FER1L6: variants seen among roughly 807,000 people sequenced by gnomAD.
FER1L6 encodes the protein fer-1-like protein 6.
FER1L6 carries 177 observed loss-of-function variants against 219.2 expected under a neutral mutation model. The observed-to-expected ratio is 0.81, with a 90% CI of 0.71 to 0.91. FER1L6 has a LOEUF of 0.91. FER1L6 is among the 40% of genes least tolerant of loss of function. The pLI is 0.00. For missense variants in FER1L6, 2,153 were observed against 2,259.9 expected, an observed-to-expected ratio of 0.95 and a Z score of 0.96; for synonymous variants, 768 against 824.3, an observed-to-expected ratio of 0.93 and a Z score of 1.17.
At chr8:124,065,167 G>A (rs1052760437) in intron 26 of FER1L6, among the ~76,000 whole-genome samples, 1 of 152,016 alleles carries the variant, frequency 6.6e-6, no homozygotes, top group Admixed American at 6.6e-5. Context: ...GCCGAGGTGA[G>A]TAGATCACTC....
chr8:123,956,332 C>A (rs879332315), intron 2 of FER1L6, among the ~76,000 whole-genome samples: 5 of 152,244 alleles, frequency 3.3e-5, no homozygotes, highest in Admixed American at 2.0e-4. Flanking sequence ...AACTCTGTTT[C>A]TGTTCTTATT....
At chr8:124,101,829 C>T (rs1189133384) in intron 38 of FER1L6, among the ~76,000 whole-genome samples, 1 of 152,104 alleles carries the variant, frequency 6.6e-6, no homozygotes, top group Non-Finnish European at 1.5e-5. Flanking sequence ...GACATGTGTC[C>T]AAAGTGGTCA....
At chr8:124,061,790 G>A in intron 24 of FER1L6, 62 bp from the exon 25 acceptor site, 1 of 1,536,844 alleles carries the variant, frequency 6.5e-7, no homozygotes, top group Admixed American at 1.7e-5. Flanking sequence ...TGCCCAGCTG[G>A]CTTTGGGTCT....
chr8:123,920,294 G>A (rs181272181), intron 1 of FER1L6, among the ~76,000 whole-genome samples: 110 of 152,354 alleles, frequency 7.2e-4, no homozygotes, highest in African/African-American at 2.3e-3. Flanking sequence ...CGAAGTTCCT[G>A]AGAGGCTGGT....
chr8:123,889,919 T>C (rs1473565000), intron 1 of FER1L6, among the ~76,000 whole-genome samples: 1 of 152,162 alleles, frequency 6.6e-6, no homozygotes, highest in Non-Finnish European at 1.5e-5. Flanking sequence ...TTTCTCTGTA[T>C]GTCTATCCTT....
chr8:123,955,592 GC>G (rs1814976988), intron 1 of FER1L6, among the ~76,000 whole-genome samples: 1 of 152,228 alleles, frequency 6.6e-6, no homozygotes, highest in Non-Finnish European at 1.5e-5. Flanking sequence ...ACATTGCCCG[GC>G]CTCTCTGGGC....
At position 123,963,333 on chromosome 8, in the gene FER1L6, G is replaced by A. The variant is rs768119008; in HGVS notation, c.132G>A (p.Pro44=). Residue 44 remains proline, a synonymous_variant, in exon 3 of 41, where the codon CCG becomes CCA. Transcript: ENST00000522917. The part of the protein sequence containing the change: ...LQEEPSHQEG[P]RGDLVHDDAS... ...AGGAGCCTTCTCACCAGGAAGGACC[G>A]AGAGGAGATTTGGTCCATGATGATG... 18 of 1,614,016 alleles carry A rather than the reference G, an allele frequency of 1.1e-5. No homozygotes were observed. The highest frequency in any genetic ancestry group is 2.2e-5 in the East Asian group (1 of 44,896).
In FER1L6 at chr8:124,061,838, T is replaced by C. The variant is rs1820594936; in HGVS notation, c.3148-14T>C. 1 of 1,612,252 alleles carries C rather than the reference T, an allele frequency of 6.2e-7. No homozygotes were observed. The highest frequency in any genetic ancestry group is 8.5e-7 in the Non-Finnish European group (1 of 1,179,788). On this transcript the variant is annotated splice_polypyrimidine_tract_variant and intron_variant, in intron 24 of 40. Transcript: ENST00000522917. Reference sequence around the variant, plus strand: ...GTCACCAGGCCCCTTCTTCATCTCATCCTCTCTCTGCAGGAACTGCCTGAG... The same window carrying C: ...GTCACCAGGCCCCTTCTTCATCTCACCCTCTCTCTGCAGGAACTGCCTGAG...
chr8:123,895,298 A>G (rs918841749), intron 1 of FER1L6, among the ~76,000 whole-genome samples: 1 of 152,232 alleles, frequency 6.6e-6, no homozygotes. Flanking sequence ...GAGAGATGTG[A>G]CAACAAAATG....
intron 1 of FER1L6, among the ~76,000 whole-genome samples, chr8:123,876,935 A>G (rs991480492): frequency 3.9e-5 from 6 of 152,186 alleles, no homozygotes; most frequent in Non-Finnish European, 8.8e-5. Context: ...AGGGAAGCTT[A>G]CCTAACCCCA....
chr8:123,959,733 A>G (rs1192354633), intron 2 of FER1L6, among the ~76,000 whole-genome samples: 7 of 152,132 alleles, frequency 4.6e-5, no homozygotes, highest in African/African-American at 1.7e-4. Flanking sequence ...AGTCCCCTGG[A>G]TCCCTGGGAT....
At chr8:124,118,621 C>T (rs1823347064) in intron 39 of FER1L6, among the ~76,000 whole-genome samples, 1 of 152,210 alleles carries the variant, frequency 6.6e-6, no homozygotes. Context: ...GGGACCCTTT[C>T]CTTCCACAAA....
Position 124,097,364 on chromosome 8 carries a change from G to T in FER1L6, c.4784+5G>T. 1 of 1,599,544 alleles carries T rather than the reference G, an allele frequency of 6.3e-7. No individual in the cohort carries two copies. Among genetic ancestry groups the T allele is most frequent in the South Asian group, 1.1e-5 (1 of 90,392 alleles). On this transcript the variant is annotated splice_donor_5th_base_variant and intron_variant, in intron 36 of 40. Transcript: ENST00000522917. ...CTCTCCAAGGCGACCCAAAGGGTAT[G>T]TCAGCTGTAGCCCCAGCTTCAGGGG...
intron 33 of FER1L6, among the ~76,000 whole-genome samples, chr8:124,090,182 T>C (rs568830358): frequency 6.6e-6 from 1 of 152,326 alleles, no homozygotes; most frequent in Non-Finnish European, 1.5e-5. Context: ...TCTGAGCGCC[T>C]ATATCCTTCA....
chr8:124,084,170 G>GTT (rs533125494), intron 33 of FER1L6, among the ~76,000 whole-genome samples: 17 of 143,310 alleles, frequency 1.2e-4, no homozygotes, highest in East Asian at 4.0e-4. Flanking sequence ...GGAATCTTTA[G>GTT]TTTTTTTTTT....
intron 12 of FER1L6, among the ~76,000 whole-genome samples, chr8:123,997,872 C>T (rs1367380014): frequency 6.6e-6 from 1 of 152,104 alleles, no homozygotes; most frequent in Non-Finnish European, 1.5e-5. Flanking sequence ...ATTATTCAAT[C>T]TCTTTGTTAA....
chr8:124,074,652 A>G (rs113723118), intron 31 of FER1L6, among the ~76,000 whole-genome samples: 2 of 136,092 alleles, frequency 1.5e-5, no homozygotes, highest in East Asian at 4.1e-4. Flanking sequence ...ATACTGTCTA[A>G]AAAAAAAAAA....
At chr8:124,021,123 C>T (rs1053741802) in intron 16 of FER1L6, among the ~76,000 whole-genome samples, 1 of 152,132 alleles carries the variant, frequency 6.6e-6, no homozygotes, top group Non-Finnish European at 1.5e-5. Flanking sequence ...GAGAACCTTA[C>T]TCACTATCAC....
chr8:123,954,855 T>C (rs1563705290), intron 1 of FER1L6, among the ~76,000 whole-genome samples: 1 of 152,160 alleles, frequency 6.6e-6, no homozygotes, highest in Non-Finnish European at 1.5e-5. Flanking sequence ...CTGAATGGGA[T>C]TTGAGCCTTT....
Sources: gnomAD v4.1 joint callset for allele counts (sites outside exome capture counted in the v4.1 genomes callset) on GRCh38, gnomAD v4.1.1 for gene constraint, MANE v1.5 for transcripts, NCBI Gene and HGNC (gene_info 2026-07-23, HGNC 2026-07-21) for gene names.